The following FMR1 variants were observed in gnomAD, a reference collection of about 807,000 sequenced individuals.
The protein encoded by FMR1 is fragile X messenger ribonucleoprotein 1, also known as FMRP translational regulator 1.
A neutral mutation model predicts 50.6 loss-of-function variants in FMR1; 13 were observed. The observed-to-expected ratio is 0.26, with a 90% CI of 0.17 to 0.41. FMR1 has a LOEUF of 0.41. FMR1 is among the 10% of genes least tolerant of loss of function. The pLI is 1.00. For missense variants in FMR1, 316 were observed against 491.3 expected (o/e 0.64, Z 3.37); for synonymous variants, 138 against 164.1 (o/e 0.84, Z 1.22).
chrX:147,943,583 T>G (rs1480474993), intron 14 of FMR1: 2 of 382,789 alleles, frequency 5.2e-6, no homozygotes, highest in Admixed American at 9.2e-5. Context: ...GATGATTTTC[T>G]TAAGGCCTCT....
rs185206946 is a variant in FMR1, at chrX:147,945,937, C to T, written c.1737+321C>T. On this transcript the variant is annotated intron_variant, in intron 16 of 16. Coordinates refer to ENST00000370475, the MANE Select transcript of FMR1 (RefSeq NM_002024.6). ...TGTTGCCCAGGCTGGAGTGCAATGGCGCAATCTCGGCTCAGAGCAACCTCT... is the reference window on the plus strand; with the variant it reads ...TGTTGCCCAGGCTGGAGTGCAATGGTGCAATCTCGGCTCAGAGCAACCTCT... 9.8e-3 allele frequency among the ~76,000 whole-genome samples: 1,086 copies of T among 111,010 alleles called. 11 individuals are homozygous for T. Among genetic ancestry groups the T allele is most frequent in the African/African-American group, 0.034 (1,033 of 30,111 alleles).
At chrX:147,940,801 C>T in intron 13 of FMR1, 139 bp downstream of exon 13, 3 of 449,309 alleles carry the variant, frequency 6.7e-6, no homozygotes, top group South Asian at 3.5e-5. Flanking sequence ...AGAGAAAATA[C>T]GTTGTTTGGC....
chrX:147,919,922 CAT>C (rs2043074410), intron 1 of FMR1, among the ~76,000 whole-genome samples: 2 of 112,400 alleles, frequency 1.8e-5, no homozygotes, highest in South Asian at 7.4e-4. Flanking sequence ...CCTTTGAAGA[CAT>C]ATTTGTTTAC....
chrX:147,921,858 A>G (rs1326769761), intron 1 of FMR1, 75 bp from the exon 2 acceptor site: 4 of 636,666 alleles, frequency 6.3e-6, no homozygotes, highest in Admixed American at 4.9e-5. Context: ...AACGTTTGGT[A>G]TCACTGTAAA....
chrX:147,923,272 G>A (rs782647319), intron 2 of FMR1, among the ~76,000 whole-genome samples: 1 of 111,957 alleles, frequency 8.9e-6, no homozygotes, highest in Non-Finnish European at 1.9e-5. Flanking sequence ...AGTTTGAATA[G>A]TAGAATACCT....
chrX:147,939,958 G>A (rs2043928892), intron 12 of FMR1, among the ~76,000 whole-genome samples: 1 of 100,757 alleles, frequency 9.9e-6, no homozygotes, highest in African/African-American at 3.7e-5. Context: ...TCAGGAGATC[G>A]AGACCATCCC....
chrX:147,937,155 G>A (rs782125659), intron 10 of FMR1, among the ~76,000 whole-genome samples: 161 of 111,154 alleles, frequency 1.4e-3, no homozygotes, highest in African/African-American at 5.0e-3. Context: ...TTTTGTAGCA[G>A]CTTTTAAAGT....
intron 12 of FMR1, 122 bp downstream of exon 12, chrX:147,938,283 A>T (rs1557180059): frequency 1.7e-6 from 1 of 586,277 alleles, no homozygotes; most frequent in Non-Finnish European, 2.9e-6. Flanking sequence ...GTTTGTGGGT[A>T]TGTGGATCCA....
chrX:147,937,360 T>C, intron 10 of FMR1, 106 bp from the exon 11 acceptor site: 1 of 541,954 alleles, frequency 1.8e-6, no homozygotes, highest in South Asian at 2.8e-5. Flanking sequence ...CTGTTTATAA[T>C]AACTTACATT....
At chrX:147,946,935 T>C (rs905420051) in intron 16 of FMR1, 1 of 112,399 alleles carries the variant, frequency 8.9e-6, no homozygotes, top group Non-Finnish European at 1.9e-5. Flanking sequence ...TTACTGTATG[T>C]ACCTGTCTTT....
chrX:147,940,907 A>G (rs2043979106), intron 13 of FMR1, among the ~76,000 whole-genome samples: 1 of 111,564 alleles, frequency 9.0e-6, no homozygotes, highest in Admixed American at 9.5e-5. Context: ...CTTCTCTTAA[A>G]CCCTTACACT....
At chrX:147,931,959 T>C (rs910352050) in intron 7 of FMR1, among the ~76,000 whole-genome samples, 2 of 111,923 alleles carry the variant, frequency 1.8e-5, no homozygotes, top group Admixed American at 9.5e-5. Flanking sequence ...TGGCACTGTT[T>C]CCAGAAAATA....
chrX:147,930,251 C>A lies in FMR1; in HGVS notation c.630+7C>A, dbSNP rs905824452. The stretch of plus-strand genomic sequence containing the variant: ...AGCTAGTAAGCAGCTGGAGGTATGT[C>A]ACTTTCCCTAGCACTGCTTGTAAGG... On this transcript the variant is annotated splice_region_variant and intron_variant, in intron 7 of 16. Transcript: ENST00000370475. 2.8e-6 allele frequency: 3 copies of A among 1,063,426 alleles called. No individual in the cohort carries two copies. The highest frequency in any genetic ancestry group is 3.7e-5 in the South Asian group (2 of 53,747). The allele number at this position is 1,063,426 out of a possible 1,213,427, so 87.6% of individuals were successfully genotyped here. A position where few individuals can be genotyped will look rare whatever the true frequency, so the allele number is the denominator to read the frequency against.
At position 147,943,657 on chromosome X, in the gene FMR1, T is replaced by C. The variant is rs149435742; in HGVS notation, c.1471+331T>C. The C allele has an allele frequency of 1.2e-4, 29 of 239,680 alleles. 1 individual carries two copies. In the East Asian group the frequency reaches 2.9e-3, roughly 24 times the overall value. 19.8% of individuals were successfully genotyped at this position (239,680 alleles called of 1,213,427 possible). ...TGTGTACTGTGGCTCATTTTTATTTTGTCAGGTATGTGCTGGTCATACTTG... is the reference window on the plus strand; with the variant it reads ...TGTGTACTGTGGCTCATTTTTATTTCGTCAGGTATGTGCTGGTCATACTTG... On this transcript the variant is annotated intron_variant, in intron 14 of 16. Transcript: ENST00000370475.
At position 147,912,021 on chromosome X, in the gene FMR1, GGCGCCGCTGCCAGGGGGCGTGCGGCAGC is replaced by G. The variant is rs1931579476; in HGVS notation, c.-155_-128del. 1 of 50,632 alleles carries G rather than the reference GGCGCCGCTGCCAGGGGGCGTGCGGCAGC, an allele frequency of 2.0e-5. No individual in the cohort carries two copies. The highest frequency in any genetic ancestry group is 4.1e-5 in the Non-Finnish European group (1 of 24,239). 4.2% of individuals were successfully genotyped at this position (50,632 alleles called of 1,213,427 possible). On this transcript the variant is annotated 5_prime_UTR_variant, in exon 1 of 17. Coordinates refer to ENST00000370475, the MANE Select transcript of FMR1 (RefSeq NM_002024.6). ...GAGCGCGGGCGGCGGCGGTGACGGA[GGCGCCGCTGCCAGGGGGCGTGCGGCAGC>G]GCGGCGGCGGCGGCGGCGGCGGCGG...
intron 3 of FMR1, chrX:147,928,014 C>T: frequency 9.1e-6 from 2 of 220,337 alleles, no homozygotes; most frequent in Non-Finnish European, 1.6e-5. Context: ...TGCTGAGTAC[C>T]CAAGGAAAGT....
At chrX:147,921,493 T>A (rs1247623743) in intron 1 of FMR1, among the ~76,000 whole-genome samples, 2 of 110,570 alleles carry the variant, frequency 1.8e-5, no homozygotes, top group African/African-American at 6.6e-5. Flanking sequence ...ATAGATAGAT[T>A]TGAGGTTATA....
At chrX:147,915,118 A>ATTGTATTTTTGT (rs1557174873) in intron 1 of FMR1, among the ~76,000 whole-genome samples, 9 of 111,755 alleles carry the variant, frequency 8.1e-5, no homozygotes, top group Non-Finnish European at 1.7e-4. Flanking sequence ...ATTATACTAG[A>ATTGTATTTTTGT]TTGTAATTTT....
chrX:147,939,189 A>G lies in FMR1; in HGVS notation c.1188+1028A>G, dbSNP rs1215635920. ...AGAAAAACCCAACATGCAGAAATGA[A>G]TTGCCAGTTATTAATTTGCACAATT... is the stretch of plus-strand genomic sequence containing the variant. On this transcript the variant is annotated intron_variant, in intron 12 of 16. Transcript: ENST00000370475. Among the ~76,000 whole-genome samples the G allele has an allele frequency of 1.8e-4, 20 of 111,884 alleles. No homozygotes were observed. In the Admixed American group the frequency reaches 1.9e-3, roughly 11 times the overall value.
Sources: gnomAD v4.1 joint callset for allele counts (sites outside exome capture counted in the v4.1 genomes callset) on GRCh38, gnomAD v4.1.1 for gene constraint, MANE v1.5 for transcripts, NCBI Gene and HGNC (gene_info 2026-07-23, HGNC 2026-07-21) for gene names.